The following MRPL35 variants were observed in gnomAD, a reference collection of about 807,000 sequenced individuals.
MRPL35 encodes the protein large ribosomal subunit protein bL35m.
In MRPL35, 18 loss-of-function variants were observed where a neutral mutation model predicts 21.6. The observed-to-expected ratio is 0.83, with a 90% CI of 0.58 to 1.24. The LOEUF is 1.24. Ranked by LOEUF, MRPL35 falls within the 50% of genes most tolerant of loss-of-function variation. The pLI, the probability that MRPL35 is intolerant of heterozygous loss-of-function variation, is 0.00. For missense variants in MRPL35, 223 were observed against 223.2 expected (o/e 1.00, Z 0.01); for synonymous variants, 87 against 86.9 (o/e 1.00, Z -0.01).
At position 86,206,249 on chromosome 2, in the gene MRPL35, T is replaced by C. The variant is rs749007603; in HGVS notation, c.187T>C (p.Ser63Pro). The change falls in exon 2 of 4, where the codon TCT becomes CCT. Residue 63 changes from serine (S) to proline (P), a missense_variant. By Grantham distance (74) the Ser-to-Pro change is moderately conservative. Transcript: ENST00000337109. Reference sequence around the variant, plus strand: ...TTCCTCCACTCCCAGACTTACCACATCTGAGAGAAACCTGACATGTGGGCA... The same window carrying C: ...TTCCTCCACTCCCAGACTTACCACACCTGAGAGAAACCTGACATGTGGGCA... ...VVSSTPRLTT[S>P]ERNLTCGHTS... The C allele has an allele frequency of 1.2e-6, 2 of 1,613,576 alleles. No homozygotes were observed. Among genetic ancestry groups the C allele is most frequent in the Non-Finnish European group, 1.7e-6 (2 of 1,179,610 alleles).
rs750225040 is a variant in MRPL35 at position 86,210,529 on chromosome 2, G to A, written c.428G>A (p.Arg143Gln). Residue 143 changes from arginine to glutamine, a missense_variant, in exon 4 of 4, where the codon CGA becomes CAA. Transcript: ENST00000337109. Reference sequence around the variant, plus strand: ...AAAAAGACACCTGCAAGGAAGAAGCGATTGAGGGAATTTGTATTCTGCAAT... The same window carrying A: ...AAAAAGACACCTGCAAGGAAGAAGCAATTGAGGGAATTTGTATTCTGCAAT... ...LWKKTPARKK[R>Q]LREFVFCNKT... The A allele has an allele frequency of 1.2e-5, 20 of 1,612,988 alleles. No homozygotes were observed. Among genetic ancestry groups the A allele is most frequent in the Middle Eastern group, 1.7e-4 (1 of 6,054 alleles).
At chr2:86,199,609 A>C (rs1200322764) in intron 1 of MRPL35, 76 bp downstream of exon 1, 3 of 1,560,600 alleles carry the variant, frequency 1.9e-6, no homozygotes, top group Non-Finnish European at 2.6e-6. Flanking sequence ...GGGCGTTTAG[A>C]CTGGAGGTTA....
chr2:86,208,047 A>G (rs1200528304), intron 3 of MRPL35, among the ~76,000 whole-genome samples: 3 of 152,240 alleles, frequency 2.0e-5, no homozygotes, highest in Non-Finnish European at 2.9e-5. Context: ...TAAAAATAAA[A>G]TAGTTGGTAG....
At chr2:86,206,341 G>GT (rs367590080) in intron 2 of MRPL35, 46 bp downstream of exon 2, 3,484 of 1,482,386 alleles carry the variant, frequency 2.4e-3, no homozygotes, top group African/African-American at 6.0e-3. Context: ...TTTGTTTTTT[G>GT]TTTTTTTTTG....
In MRPL35 at chr2:86,210,961, A is replaced by G. The variant is rs1003864310; in HGVS notation, c.*293A>G. ...AAGGAATCTCAAGTGGGACAAACATAAAAAGACTCAAAAGCTACAAGTTAG... is the reference window on the plus strand; with the variant it reads ...AAGGAATCTCAAGTGGGACAAACATGAAAAGACTCAAAAGCTACAAGTTAG... On this transcript the variant is annotated 3_prime_UTR_variant, in exon 4 of 4. Coordinates refer to ENST00000337109, the MANE Select transcript of MRPL35 (RefSeq NM_016622.4). 11 of 1,033,754 alleles carry G rather than the reference A, an allele frequency of 1.1e-5. No individual in the cohort carries two copies. The African/African-American group carries it at 1.4e-4, about 13-fold the overall frequency. 64.0% of individuals were successfully genotyped at this position (1,033,754 alleles called of 1,614,324 possible). A position where few individuals can be genotyped will look rare whatever the true frequency, so the allele number is the denominator to read the frequency against.
Position 86,212,124 on chromosome 2 carries a change from G to C in MRPL35, c.*1456G>C, listed in dbSNP as rs921280207. Reference sequence around the variant, plus strand: ...GAATTATGCATGAATTACTGTTTCAGATCCTTTAATGTGGTAGTTGGTAAT... The same window carrying C: ...GAATTATGCATGAATTACTGTTTCACATCCTTTAATGTGGTAGTTGGTAAT... On this transcript the variant is annotated 3_prime_UTR_variant, in exon 4 of 4. Coordinates refer to ENST00000337109, the MANE Select transcript of MRPL35 (RefSeq NM_016622.4). 1 of 1,219,574 alleles carries C rather than the reference G, an allele frequency of 8.2e-7. No individual in the cohort carries two copies. The highest frequency in any genetic ancestry group is 2.3e-5 in the South Asian group (1 of 43,392). 75.5% of individuals were successfully genotyped at this position (1,219,574 alleles called of 1,614,324 possible).
At chr2:86,204,347 ATG>A (rs1482617669) in intron 1 of MRPL35, among the ~76,000 whole-genome samples, 2 of 150,914 alleles carry the variant, frequency 1.3e-5, no homozygotes, top group Admixed American at 1.3e-4. Flanking sequence ...TACCCATTTT[ATG>A]TGTACAGCTT....
chr2:86,200,117 T>TA (rs1673658631), intron 1 of MRPL35, among the ~76,000 whole-genome samples: 1 of 152,182 alleles, frequency 6.6e-6, no homozygotes, highest in African/African-American at 2.4e-5. Context: ...GCCGTGACGT[T>TA]AAGTACTTTT....
intron 3 of MRPL35, among the ~76,000 whole-genome samples, 188 bp downstream of exon 3, chr2:86,207,515 A>G (rs1191285156): frequency 6.6e-6 from 1 of 152,190 alleles, no homozygotes; most frequent in Non-Finnish European, 1.5e-5. Flanking sequence ...GGCACCTGTA[A>G]TTCCAGCTAC....
Position 86,211,926 on chromosome 2 carries a change from G to A in MRPL35, c.*1258G>A, listed in dbSNP as rs1411189594. ...TAAGGGGGAGAAAGTAATCTCAGTT[G>A]TTTTAGAAACGAAAAAGTTAAGCAT... is the stretch of plus-strand genomic sequence containing the variant. On this transcript the variant is annotated 3_prime_UTR_variant, in exon 4 of 4. Coordinates refer to ENST00000337109, the MANE Select transcript of MRPL35 (RefSeq NM_016622.4). 14 of 985,644 alleles carry A rather than the reference G, an allele frequency of 1.4e-5. No individual in the cohort carries two copies. The highest frequency in any genetic ancestry group is 1.7e-5 in the Non-Finnish European group (14 of 830,184). The allele number at this position is 985,644 out of a possible 1,614,324, so 61.1% of individuals were successfully genotyped here. A position where few individuals can be genotyped will look rare whatever the true frequency, so the allele number is the denominator to read the frequency against.
intron 1 of MRPL35, among the ~76,000 whole-genome samples, chr2:86,201,052 C>T (rs1018728015): frequency 2.0e-5 from 3 of 152,138 alleles, no homozygotes; most frequent in Admixed American, 6.5e-5. Context: ...CTCATCCTGG[C>T]GCATGAGTCC....
Position 86,213,342 on chromosome 2 carries a change from G to A in MRPL35, c.*2674G>A, listed in dbSNP as rs73946347. The A allele has an allele frequency of 1.9e-3, 2,366 of 1,227,798 alleles. 47 individuals are homozygous for A. The African/African-American group carries it at 0.032, about 16-fold the overall frequency. The allele number at this position is 1,227,798 out of a possible 1,614,324, so 76.1% of individuals were successfully genotyped here. On this transcript the variant is annotated 3_prime_UTR_variant, in exon 4 of 4. Coordinates refer to ENST00000337109, the MANE Select transcript of MRPL35 (RefSeq NM_016622.4). The stretch of plus-strand genomic sequence containing the variant: ...ATTGGACCAGGCTCAGTAAATAAAC[G>A]AATGGATTTCCAGCCTTTTTTTCCC...
At chr2:86,205,704 C>G (rs1295769070) in intron 1 of MRPL35, among the ~76,000 whole-genome samples, 1 of 152,172 alleles carries the variant, frequency 6.6e-6, no homozygotes, top group Non-Finnish European at 1.5e-5. Flanking sequence ...TGTCGCCACT[C>G]TTGTCTCTCC....
chr2:86,212,439 C>G lies in MRPL35; in HGVS notation c.*1771C>G. 3 of 1,613,846 alleles carry G rather than the reference C, an allele frequency of 1.9e-6. No individual in the cohort carries two copies. The highest frequency in any genetic ancestry group is 2.5e-6 in the Non-Finnish European group (3 of 1,179,872). ...CGCACTTCTGAGACGGCAAAGCCAACCACTTAGAAGCCTTCCACATCTTTG... is the reference window on the plus strand; with the variant it reads ...CGCACTTCTGAGACGGCAAAGCCAAGCACTTAGAAGCCTTCCACATCTTTG... On this transcript the variant is annotated 3_prime_UTR_variant, in exon 4 of 4. Transcript: ENST00000337109.
intron 2 of MRPL35, among the ~76,000 whole-genome samples, chr2:86,206,522 C>T (rs974470850): frequency 6.6e-6 from 1 of 152,060 alleles, no homozygotes; most frequent in Non-Finnish European, 1.5e-5. Flanking sequence ...GAGTCTATTT[C>T]AATAAACATG....
Position 86,213,082 on chromosome 2 carries a change from G to C in MRPL35, c.*2414G>C, listed in dbSNP as rs1328442816. On this transcript the variant is annotated 3_prime_UTR_variant, in exon 4 of 4. Transcript: ENST00000337109. ...GAGAGGGTTAAGTAAATTACCCAAA[G>C]TACAGCTAATAAGACCCAGAATCTC... The C allele has an allele frequency of 6.1e-6, 6 of 981,980 alleles. No homozygotes were observed. Among genetic ancestry groups the C allele is most frequent in the Non-Finnish European group, 7.3e-6 (6 of 826,896 alleles). 60.8% of individuals were successfully genotyped at this position (981,980 alleles called of 1,614,324 possible).
At chr2:86,209,484 A>G (rs561082719) in intron 3 of MRPL35, among the ~76,000 whole-genome samples, 82 of 152,294 alleles carry the variant, frequency 5.4e-4, no homozygotes, top group African/African-American at 1.9e-3. Context: ...TAATCAATCA[A>G]ATTTTCCTTT....
Position 86,209,133 on chromosome 2 carries a change from G to A in MRPL35, c.379-1347G>A, listed in dbSNP as rs1673855362. Among the ~76,000 whole-genome samples the A allele has an allele frequency of 2.0e-5, 3 of 152,310 alleles. No homozygotes were observed. In the South Asian group the frequency reaches 6.2e-4, roughly 32 times the overall value. Reference sequence around the variant, plus strand: ...AACTATGAAATTATTACACAAATGTGGAGATTTGGCTTTAAATGTTTGCAT... The same window carrying A: ...AACTATGAAATTATTACACAAATGTAGAGATTTGGCTTTAAATGTTTGCAT... On this transcript the variant is annotated intron_variant, in intron 3 of 3. Coordinates refer to ENST00000337109, the MANE Select transcript of MRPL35 (RefSeq NM_016622.4).
At chr2:86,210,447 T>C in intron 3 of MRPL35, 33 bp from the exon 4 acceptor site, 1 of 1,563,868 alleles carries the variant, frequency 6.4e-7, no homozygotes, top group Non-Finnish European at 8.7e-7. Flanking sequence ...ATACATAGTA[T>C]GATGTTTTAC....
Sources: gnomAD v4.1 joint callset for allele counts (sites outside exome capture counted in the v4.1 genomes callset) on GRCh38, gnomAD v4.1.1 for gene constraint, MANE v1.5 for transcripts, NCBI Gene and HGNC (gene_info 2026-07-23, HGNC 2026-07-21) for gene names.